The following KCNMB2 variants were observed in gnomAD, a reference collection of about 807,000 sequenced individuals.
The protein encoded by KCNMB2 is calcium-activated potassium channel subunit beta-2.
A neutral mutation model predicts 24.5 loss-of-function variants in KCNMB2; 9 were observed. The ratio of observed to expected loss-of-function variants is 0.37; its 90% CI spans 0.22 to 0.64. KCNMB2 has a LOEUF of 0.64. Among genes scored for constraint, KCNMB2 ranks in the 30% least tolerant of loss-of-function variants. KCNMB2 has a pLI of 0.63. For synonymous variants in KCNMB2, 109 were observed against 104.4 expected (o/e 1.04, Z -0.27); for missense variants, 226 against 284.3 (o/e 0.79, Z 1.47).
At chr3:178,644,398 T>C (rs1191793092) in intron 1 of KCNMB2, among the ~76,000 whole-genome samples, 1 of 152,298 alleles carries the variant, frequency 6.6e-6, no homozygotes, top group East Asian at 1.9e-4. Context: ...TCAAAGTCCA[T>C]GTCCTCCATG....
Position 178,828,179 on chromosome 3 carries a change from G to T in KCNMB2, c.229G>T (p.Val77Leu), listed in dbSNP as rs376796126. The T allele has an allele frequency of 1.9e-6, 3 of 1,611,956 alleles. No individual in the cohort carries two copies. Among genetic ancestry groups the T allele is most frequent in the Non-Finnish European group, 2.5e-6 (3 of 1,178,404 alleles). Residue 77 changes from valine (V) to leucine (L), a missense_variant and splice_region_variant, in exon 4 of 5, where the codon GTG becomes TTG. Physicochemically the swap from Val to Leu is conservative, Grantham distance 32. Transcript: ENST00000452583. Reference sequence around the variant, plus strand: ...TTACTCTCACCCCTTTCTCTGCAGCGTGTGGACCGAAGAGTCTCAATGCAC... The same window carrying T: ...TTACTCTCACCCCTTTCTCTGCAGCTTGTGGACCGAAGAGTCTCAATGCAC... ...ITLLRSYMQSVWTEESQCTLL... is the reference protein window; with the variant it reads ...ITLLRSYMQSLWTEESQCTLL...
chr3:178,581,755 CA>C (rs940139532), intron 1 of KCNMB2, among the ~76,000 whole-genome samples: 33 of 152,128 alleles, frequency 2.2e-4, no homozygotes, highest in African/African-American at 7.2e-4. Flanking sequence ...AGCCAACAAA[CA>C]TATGAAAAAA....
intron 1 of KCNMB2, among the ~76,000 whole-genome samples, chr3:178,569,634 AGCCTGGTG>A (rs144087891): frequency 0.03 from 4,609 of 152,270 alleles, 225 homozygotes; most frequent in African/African-American, 0.11. Context: ...TTTTCCTCAC[AGCCTGGTG>A]TATTGAACAT....
rs892383100 is a variant in KCNMB2 at position 178,585,664 on chromosome 3, T to C, written c.-68+48953T>C. ...CAGTCTGACTTGCTTTTCTTCCAGA[T>C]GTACGGTGGGCTGACTTGGGCTTGA... On this transcript the variant is annotated intron_variant, in intron 1 of 4. Coordinates refer to ENST00000452583, the MANE Select transcript of KCNMB2 (RefSeq NM_181361.3). Among the ~76,000 whole-genome samples the C allele has an allele frequency of 5.9e-5, 9 of 152,350 alleles. No individual in the cohort carries two copies. The South Asian group carries it at 6.2e-4, about 11-fold the overall frequency.
intron 1 of KCNMB2, among the ~76,000 whole-genome samples, chr3:178,575,861 C>G (rs1217130979): frequency 1.3e-5 from 2 of 152,164 alleles, no homozygotes; most frequent in East Asian, 3.9e-4. Context: ...ACTGTGAACA[C>G]TGTTTAAAAT....
intron 1 of KCNMB2, among the ~76,000 whole-genome samples, chr3:178,800,693 G>A (rs949407600): frequency 2.0e-5 from 3 of 152,006 alleles, no homozygotes; most frequent in African/African-American, 7.2e-5. Context: ...CCAAAAGAAT[G>A]CAATTCAGTA....
chr3:178,764,465 TAAC>T (rs1420329203), intron 1 of KCNMB2, among the ~76,000 whole-genome samples: 1 of 152,216 alleles, frequency 6.6e-6, no homozygotes, highest in Non-Finnish European at 1.5e-5. Flanking sequence ...CTCAGTAAAG[TAAC>T]AAACTTCAGA....
At chr3:178,818,892 C>T (rs368320073) in intron 2 of KCNMB2, among the ~76,000 whole-genome samples, 11 of 150,010 alleles carry the variant, frequency 7.3e-5, no homozygotes, top group Admixed American at 2.0e-4. Context: ...TCCAACCACA[C>T]TCTACTACCT....
chr3:178,642,246 T>TA lies in KCNMB2; in HGVS notation c.-68+105541dup, dbSNP rs1409820018. 7.2e-5 allele frequency among the ~76,000 whole-genome samples: 11 copies of TA among 152,142 alleles called. No individual in the cohort carries two copies. The East Asian group carries it at 2.1e-3, about 29-fold the overall frequency. ...TCAAATGATGGAAATAGTCTCCAAATAAAAAAGCACAGATTTCTCCTTTTC... is the reference window on the plus strand; with the variant it reads ...TCAAATGATGGAAATAGTCTCCAAATAAAAAAAGCACAGATTTCTCCTTTTC... On this transcript the variant is annotated intron_variant, in intron 1 of 4. Transcript: ENST00000452583.
intron 1 of KCNMB2, among the ~76,000 whole-genome samples, chr3:178,615,117 A>T (rs1313941707): frequency 6.6e-6 from 1 of 152,238 alleles, no homozygotes; most frequent in African/African-American, 2.4e-5. Context: ...TCTCCAAAGC[A>T]AACAGAGTCT....
At chr3:178,728,583 C>A (rs1341905296) in intron 1 of KCNMB2, among the ~76,000 whole-genome samples, 1 of 152,076 alleles carries the variant, frequency 6.6e-6, no homozygotes, top group East Asian at 1.9e-4. Context: ...GTGTTCTTGA[C>A]AACTCTTTGC....
At chr3:178,639,259 T>C (rs2108546792) in intron 1 of KCNMB2, among the ~76,000 whole-genome samples, 1 of 152,326 alleles carries the variant, frequency 6.6e-6, no homozygotes, top group East Asian at 1.9e-4. Flanking sequence ...GATGAGATCA[T>C]ATCACTATTT....
At chr3:178,550,217 G>A (rs1318151628) in intron 1 of KCNMB2, among the ~76,000 whole-genome samples, 2 of 151,846 alleles carry the variant, frequency 1.3e-5, no homozygotes, top group African/African-American at 2.4e-5. Context: ...TTGGGAGGCC[G>A]AGGCGGGCGG....
At chr3:178,610,041 TC>T (rs1265182043) in intron 1 of KCNMB2, among the ~76,000 whole-genome samples, 5 of 152,248 alleles carry the variant, frequency 3.3e-5, no homozygotes, top group African/African-American at 1.2e-4. Context: ...CTATCTTTTT[TC>T]CAGTGTATAT....
chr3:178,700,995 C>T (rs1281055588), intron 1 of KCNMB2, among the ~76,000 whole-genome samples: 1 of 152,098 alleles, frequency 6.6e-6, no homozygotes, highest in Non-Finnish European at 1.5e-5. Flanking sequence ...CTTTTGTTGC[C>T]ATTGCTTTTG....
chr3:178,687,350 C>T (rs1036453961), intron 1 of KCNMB2, among the ~76,000 whole-genome samples: 4 of 152,098 alleles, frequency 2.6e-5, no homozygotes, highest in Non-Finnish European at 5.9e-5. Context: ...CAAGTTTCCT[C>T]ATTGAGTCTC....
At chr3:178,674,564 A>T (rs944605744) in intron 1 of KCNMB2, among the ~76,000 whole-genome samples, 1 of 152,146 alleles carries the variant, frequency 6.6e-6, no homozygotes, top group Non-Finnish European at 1.5e-5. Flanking sequence ...CTTCTGCCAC[A>T]TTAATCCAAG....
intron 1 of KCNMB2, among the ~76,000 whole-genome samples, chr3:178,586,525 TTTTTTTTTCTTTC>T (rs1717435707): frequency 7.7e-6 from 1 of 130,090 alleles, no homozygotes; most frequent in Non-Finnish European, 1.5e-5. Flanking sequence ...TTTCTTTTCT[TTTTTTTTTCTTTC>T]TTTTTTTTTT....
rs112907847 is a variant in KCNMB2, at chr3:178,576,768, C to T, written c.-68+40057C>T. 3.8e-3 allele frequency among the ~76,000 whole-genome samples: 584 copies of T among 152,296 alleles called. 1 individual carries two copies. Among genetic ancestry groups the T allele is most frequent in the African/African-American group, 0.012 (492 of 41,566 alleles). On this transcript the variant is annotated intron_variant, in intron 1 of 4. Transcript: ENST00000452583. The stretch of plus-strand genomic sequence containing the variant: ...AGAGCCCACCACACCTTGGCAAAGC[C>T]GCTGTAGCCAGACTGCCTGTCTAGA...
Sources: gnomAD v4.1 joint callset for allele counts (sites outside exome capture counted in the v4.1 genomes callset) on GRCh38, gnomAD v4.1.1 for gene constraint, MANE v1.5 for transcripts, NCBI Gene and HGNC (gene_info 2026-07-23, HGNC 2026-07-21) for gene names.